SRD5A2: variants seen among roughly 807,000 people sequenced by gnomAD.
SRD5A2 encodes 3-oxo-5-alpha-steroid 4-dehydrogenase 2.
Under a neutral mutation model 27.4 loss-of-function variants are expected in SRD5A2, and 30 were observed. That is an observed-to-expected ratio of 1.10 (90% CI 0.82 to 1.49). The LOEUF (loss-of-function observed/expected upper bound fraction) is 1.49, where lower values mean the gene tolerates loss of function less well. Among genes scored for constraint, SRD5A2 ranks in the 40% most tolerant of loss-of-function variants. SRD5A2 has a pLI of 0.00. For synonymous variants in SRD5A2, 141 were observed against 133.6 expected (o/e 1.06, Z -0.38); for missense variants, 348 against 323.4 (o/e 1.08, Z -0.58).
At chr2:31,647,943 T>G in the SRD5A2 span, among the ~76,000 whole-genome samples, 1 of 152,354 alleles carries the variant, frequency 6.6e-6, no homozygotes, top group Non-Finnish European at 1.5e-5. Context: ...CTAAATAACC[T>G]TGCATGTGTA....
the SRD5A2 span, among the ~76,000 whole-genome samples, chr2:31,642,314 A>T: frequency 6.6e-6 from 1 of 152,012 alleles, no homozygotes; most frequent in African/African-American, 2.4e-5. Flanking sequence ...ATAGGAGACA[A>T]TTTTTTTGAC....
chr2:31,575,397 T>C (rs1296075035), intron 1 of SRD5A2, among the ~76,000 whole-genome samples: 1 of 152,224 alleles, frequency 6.6e-6, no homozygotes, highest in Non-Finnish European at 1.5e-5. Context: ...GAGAACTACG[T>C]TTCCTTAGAA....
the SRD5A2 span, among the ~76,000 whole-genome samples, chr2:31,589,219 T>G: frequency 1.3e-5 from 2 of 152,112 alleles, no homozygotes; most frequent in South Asian, 4.1e-4. Context: ...CTGTAGACAC[T>G]TCCACTGAAC....
At chr2:31,657,399 T>C in the SRD5A2 span, among the ~76,000 whole-genome samples, 1 of 152,192 alleles carries the variant, frequency 6.6e-6, no homozygotes, top group East Asian at 1.9e-4. Flanking sequence ...ACTCTCTTTG[T>C]TTGTTTTATT....
the SRD5A2 span, among the ~76,000 whole-genome samples, chr2:31,660,996 C>T: frequency 3.2e-4 from 49 of 152,164 alleles, no homozygotes; most frequent in South Asian, 7.3e-3. Context: ...ATACCAAACA[C>T]GAGGCCATTG....
chr2:31,548,586 C>A (rs2148076950), intron 1 of SRD5A2, among the ~76,000 whole-genome samples: 1 of 152,246 alleles, frequency 6.6e-6, no homozygotes, highest in Non-Finnish European at 1.5e-5. Flanking sequence ...CAAAAAATAA[C>A]AAGTCTTGGC....
intron 1 of SRD5A2, among the ~76,000 whole-genome samples, chr2:31,563,803 G>GA (rs1666675508): frequency 1.3e-5 from 2 of 152,074 alleles, no homozygotes; most frequent in South Asian, 4.1e-4. Context: ...AAGCCAGATA[G>GA]AAAAGCTCAT....
intron 3 of SRD5A2, among the ~76,000 whole-genome samples, chr2:31,530,284 G>A (rs1460501163): frequency 6.6e-6 from 1 of 152,100 alleles, no homozygotes; most frequent in Non-Finnish European, 1.5e-5. Context: ...CTTGGCAACT[G>A]GTTTTCAAGT....
the SRD5A2 span, among the ~76,000 whole-genome samples, chr2:31,630,248 G>T: frequency 6.6e-6 from 1 of 151,982 alleles, no homozygotes; most frequent in East Asian, 1.9e-4. Context: ...CTATGAAAAC[G>T]TAAGAGATTA....
chr2:31,556,728 T>C (rs1666502233), intron 1 of SRD5A2, among the ~76,000 whole-genome samples: 2 of 152,138 alleles, frequency 1.3e-5, no homozygotes, highest in Admixed American at 1.3e-4. Context: ...GCCTTCAGAA[T>C]AGTAAGAGTA....
At chr2:31,630,301 G>C in the SRD5A2 span, among the ~76,000 whole-genome samples, 20 of 152,144 alleles carry the variant, frequency 1.3e-4, no homozygotes, top group African/African-American at 4.8e-4. Context: ...AAGATACAGA[G>C]AGAGAGAGAC....
At chr2:31,546,128 C>A (rs1366699191) in intron 1 of SRD5A2, among the ~76,000 whole-genome samples, 1 of 151,702 alleles carries the variant, frequency 6.6e-6, no homozygotes, top group Non-Finnish European at 1.5e-5. Context: ...GTCCATACTA[C>A]CAACACAATC....
At chr2:31,555,723 T>G (rs2148083419) in intron 1 of SRD5A2, among the ~76,000 whole-genome samples, 1 of 152,298 alleles carries the variant, frequency 6.6e-6, no homozygotes, top group East Asian at 1.9e-4. Flanking sequence ...TCAGATTGAT[T>G]TTTCTATCAC....
At chr2:31,584,239 G>T (rs1667140030), upstream of SRD5A2, among the ~76,000 whole-genome samples, 1 of 152,180 alleles carries the variant, frequency 6.6e-6, no homozygotes, top group South Asian at 2.1e-4. Flanking sequence ...TAGTAGAAAT[G>T]ATCTACAGAG....
intron 1 of SRD5A2, among the ~76,000 whole-genome samples, chr2:31,572,189 C>T (rs1666863152): frequency 6.6e-6 from 1 of 152,082 alleles, no homozygotes; most frequent in Non-Finnish European, 1.5e-5. Flanking sequence ...GGCCATTATC[C>T]TCAGCTAACT....
intron 1 of SRD5A2, among the ~76,000 whole-genome samples, chr2:31,536,008 C>T (rs1383866223): frequency 2.0e-5 from 3 of 152,158 alleles, no homozygotes; most frequent in African/African-American, 7.2e-5. Flanking sequence ...TGAGGCTGGA[C>T]TCATTGGACT....
At chr2:31,588,397 A>G in the SRD5A2 span, among the ~76,000 whole-genome samples, 1 of 152,178 alleles carries the variant, frequency 6.6e-6, no homozygotes, top group African/African-American at 2.4e-5. Flanking sequence ...ATAACGTACA[A>G]TGGGGCTCCA....
At chr2:31,639,101 G>T in the SRD5A2 span, among the ~76,000 whole-genome samples, 1 of 151,862 alleles carries the variant, frequency 6.6e-6, no homozygotes. Flanking sequence ...CAGTTACCAT[G>T]AGGCTATTTT....
intron 1 of SRD5A2, among the ~76,000 whole-genome samples, chr2:31,551,848 T>C (rs188381328): frequency 9.9e-5 from 15 of 152,142 alleles, no homozygotes; most frequent in African/African-American, 2.9e-4. Flanking sequence ...GATAGACACA[T>C]AGATTGACAA....
Sources: allele counts gnomAD v4.1 joint callset (sites outside exome capture counted in the v4.1 genomes callset), GRCh38; gene constraint gnomAD v4.1.1; transcripts MANE v1.5; gene names NCBI Gene and HGNC (gene_info 2026-07-23, HGNC 2026-07-21).